OR9Q1: variants seen among roughly 807,000 people sequenced by gnomAD.
OR9Q1 encodes olfactory receptor family 9 subfamily Q member 1.
For missense variants in OR9Q1, 374 were observed against 378.8 expected (o/e 0.99, Z 0.11); for synonymous variants, 153 against 148.6 (o/e 1.03, Z -0.22).
At chr11:58,132,377 C>T (rs959381618) in intron 2 of OR9Q1, among the ~76,000 whole-genome samples, 1 of 152,188 alleles carries the variant, frequency 6.6e-6, no homozygotes, top group Admixed American at 6.5e-5. Flanking sequence ...TTCTTACTAC[C>T]TGTGTGACCA....
intron 2 of OR9Q1, among the ~76,000 whole-genome samples, chr11:58,165,597 T>G (rs768118952): frequency 6.6e-6 from 1 of 152,206 alleles, no homozygotes; most frequent in Non-Finnish European, 1.5e-5. Context: ...CCAATGGGCC[T>G]TAAAGGTTTC....
chr11:58,096,764 C>T (rs187984399), intron 2 of OR9Q1, among the ~76,000 whole-genome samples: 227 of 145,560 alleles, frequency 1.6e-3, no homozygotes, highest in African/African-American at 5.1e-3. Context: ...AGTGCAGTGG[C>T]GCAATCTCGG....
chr11:58,179,584 T>C lies in OR9Q1; in HGVS notation c.140T>C (p.Ile47Thr). The change falls in exon 3 of 3, where the codon ATT (isoleucine) becomes ACT (threonine). Residue 47 changes from isoleucine (I) to threonine (T), a missense_variant. Ile to Thr is a moderately conservative substitution (Grantham distance 89, BLOSUM62 -1). Transcript: ENST00000335397. ...ITVLGNLEMI[I>T]LILMDHQLHA... ...GTATTGGGGAACTTAGAGATGATTA[T>C]TCTGATCCTCATGGATCACCAGCTC... 6.2e-7 allele frequency: 1 copy of C among 1,613,954 alleles called. No homozygotes were observed. The highest frequency in any genetic ancestry group is 8.5e-7 in the Non-Finnish European group (1 of 1,179,910).
rs1356603974 is a variant in OR9Q1, at chr11:58,119,286, G to A, written c.-14-60145G>A. ...AGAAGTACATTGGGGTGTAGAGTTTGACATCTACTTGGATTAACATAATCA... is the reference window on the plus strand; with the variant it reads ...AGAAGTACATTGGGGTGTAGAGTTTAACATCTACTTGGATTAACATAATCA... On this transcript the variant is annotated intron_variant, in intron 2 of 2. Transcript: ENST00000335397. The A allele has an allele frequency of 3.1e-6, 5 of 1,613,852 alleles. No individual in the cohort carries two copies. The African/African-American group carries it at 6.7e-5, about 22-fold the overall frequency.
At chr11:58,111,526 G>T (rs1266325476) in intron 2 of OR9Q1, among the ~76,000 whole-genome samples, 1 of 152,128 alleles carries the variant, frequency 6.6e-6, no homozygotes, top group Non-Finnish European at 1.5e-5. Flanking sequence ...TTATTTCAGG[G>T]TTTCTTAATT....
intron 2 of OR9Q1, among the ~76,000 whole-genome samples, chr11:58,130,216 A>C (rs1352975117): frequency 6.6e-6 from 1 of 152,216 alleles, no homozygotes; most frequent in African/African-American, 2.4e-5. Flanking sequence ...AAAGTTAAAC[A>C]CTTCAATAGA....
In OR9Q1 at chr11:58,159,194, G is replaced by A. The variant is rs142737508; in HGVS notation, c.-14-20237G>A. Reference sequence around the variant, plus strand: ...TGATGGGAACAGTGGGGACTTCCCCGTCCTGAAACTGTCTCTTGGTATGTG... The same window carrying A: ...TGATGGGAACAGTGGGGACTTCCCCATCCTGAAACTGTCTCTTGGTATGTG... On this transcript the variant is annotated intron_variant, in intron 2 of 2. Transcript: ENST00000335397. Among the ~76,000 whole-genome samples, 802 of 152,248 alleles carry A rather than the reference G, an allele frequency of 5.3e-3. 10 individuals carry two copies. Among genetic ancestry groups the A allele is most frequent in the African/African-American group, 0.018 (744 of 41,550 alleles).
chr11:58,115,232 C>T (rs1183030244), intron 2 of OR9Q1, among the ~76,000 whole-genome samples: 1 of 152,114 alleles, frequency 6.6e-6, no homozygotes, highest in Non-Finnish European at 1.5e-5. Flanking sequence ...TATACGTATG[C>T]ACTGTAGAAC....
At chr11:58,067,058 G>T in intron 2 of OR9Q1, among the ~76,000 whole-genome samples, 1 of 148,846 alleles carries the variant, frequency 6.7e-6, no homozygotes. Context: ...TTGAGACAGA[G>T]TCTCGTTCTG....
chr11:58,125,723 A>T (rs1444073262), intron 2 of OR9Q1, among the ~76,000 whole-genome samples: 1 of 152,200 alleles, frequency 6.6e-6, no homozygotes, highest in Admixed American at 6.5e-5. Context: ...ACCACACTTC[A>T]GCAGAGGCTC....
intron 2 of OR9Q1, chr11:58,118,726 G>T: frequency 6.2e-7 from 1 of 1,614,078 alleles, no homozygotes; most frequent in Non-Finnish European, 8.5e-7. Context: ...AGAGGCACAT[G>T]TGGAGAAAGT....
chr11:58,148,271 C>A (rs1289100206), intron 2 of OR9Q1, among the ~76,000 whole-genome samples: 5 of 151,984 alleles, frequency 3.3e-5, no homozygotes, highest in Non-Finnish European at 7.4e-5. Context: ...GAGTGTAAAC[C>A]ATACAACACG....
intron 1 of OR9Q1, among the ~76,000 whole-genome samples, chr11:58,053,748 G>T (rs1367737157): frequency 6.9e-6 from 1 of 145,852 alleles, no homozygotes; most frequent in Non-Finnish European, 1.5e-5. Context: ...AACTCTTCAT[G>T]GCTGAGACAC....
chr11:58,034,792 C>CCTTCCTTCCTTCCTT, intron 1 of OR9Q1, among the ~76,000 whole-genome samples: 1 of 96,060 alleles, frequency 1.0e-5, no homozygotes, highest in South Asian at 6.3e-4. Context: ...CCTCCTTTCT[C>CCTTCCTTCCTTCCTT]CCTTCCTTCC....
At chr11:58,173,886 T>C (rs1209334088) in intron 2 of OR9Q1, among the ~76,000 whole-genome samples, 1 of 152,202 alleles carries the variant, frequency 6.6e-6, no homozygotes, top group Non-Finnish European at 1.5e-5. Flanking sequence ...TAGTTCATAA[T>C]TCTGTAAACC....
intron 2 of OR9Q1, among the ~76,000 whole-genome samples, chr11:58,081,669 G>T (rs1476067487): frequency 6.6e-6 from 1 of 151,408 alleles, no homozygotes; most frequent in African/African-American, 2.4e-5. Flanking sequence ...GGGGTTGTTT[G>T]TTTTTTTCTT....
chr11:58,161,838 T>C (rs567119485), intron 2 of OR9Q1, among the ~76,000 whole-genome samples: 1 of 152,294 alleles, frequency 6.6e-6, no homozygotes, highest in African/African-American at 2.4e-5. Context: ...GGCCCTCTGG[T>C]TGATTTTTGT....
rs186825389 is a variant in OR9Q1, at chr11:58,089,222, T to C, written c.-15+33275T>C. Among the ~76,000 whole-genome samples the C allele has an allele frequency of 5.0e-3, 764 of 151,978 alleles. 16 individuals are homozygous for C. Among genetic ancestry groups the C allele is most frequent in the Middle Eastern group, 0.037 (11 of 294 alleles). ...TTTTAGTCGTTGAAGTCTTTTCCCA[T>C]GCCTATGTCTTCAATAATATTGCCT... is the stretch of plus-strand genomic sequence containing the variant. On this transcript the variant is annotated intron_variant, in intron 2 of 2. Transcript: ENST00000335397.
At chr11:58,038,848 A>T (rs1853132597) in intron 1 of OR9Q1, among the ~76,000 whole-genome samples, 1 of 151,882 alleles carries the variant, frequency 6.6e-6, no homozygotes, top group Non-Finnish European at 1.5e-5. Flanking sequence ...CTTTTTAGTT[A>T]GTCTCTTATT....
Sources: allele counts gnomAD v4.1 joint callset (sites outside exome capture counted in the v4.1 genomes callset), GRCh38; gene constraint gnomAD v4.1.1; transcripts MANE v1.5; gene names NCBI Gene and HGNC (gene_info 2026-07-23, HGNC 2026-07-21).